CNBD1: variants seen among roughly 807,000 people sequenced by gnomAD.
CNBD1 encodes the protein cyclic nucleotide-binding domain-containing protein 1.
Under a neutral mutation model 54.4 loss-of-function variants are expected in CNBD1, and 71 were observed. That is an observed-to-expected ratio of 1.30 (90% CI 1.08 to 1.59). The LOEUF is 1.59. Ranked by LOEUF, CNBD1 falls within the 40% of genes most tolerant of loss-of-function variation. CNBD1 has a pLI of 0.00. For synonymous variants in CNBD1, 182 were observed against 170.7 expected (o/e 1.07, Z -0.51); for missense variants, 659 against 518.0 (o/e 1.27, Z -2.64).
downstream of CNBD1, among the ~76,000 whole-genome samples, chr8:87,385,765 A>C (rs1159669536): frequency 6.6e-6 from 1 of 152,116 alleles, no homozygotes; most frequent in Non-Finnish European, 1.5e-5. Flanking sequence ...CTTTGAAGAG[A>C]GTAGTGGTTC....
intron 1 of CNBD1, among the ~76,000 whole-genome samples, chr8:86,873,925 T>A (rs191503938): frequency 3.0e-4 from 45 of 152,300 alleles, no homozygotes; most frequent in African/African-American, 1.1e-3. Context: ...AAAAAAACAT[T>A]GTTACATAAT....
chr8:87,027,982 G>A (rs1809691306), intron 4 of CNBD1, among the ~76,000 whole-genome samples: 1 of 152,078 alleles, frequency 6.6e-6, no homozygotes. Context: ...TCTCAATTGA[G>A]AGGAGCCCAT....
intron 4 of CNBD1, among the ~76,000 whole-genome samples, chr8:87,078,414 T>C (rs1322033234): frequency 6.6e-6 from 1 of 152,194 alleles, no homozygotes; most frequent in East Asian, 1.9e-4. Context: ...AGATAAAATA[T>C]CTATTTCAAG....
At chr8:87,377,731 G>A (rs959193020) in intron 10 of CNBD1, among the ~76,000 whole-genome samples, 1 of 140,574 alleles carries the variant, frequency 7.1e-6, no homozygotes, top group African/African-American at 2.8e-5. Flanking sequence ...TCGCCACACT[G>A]ACTTCCACAA....
intron 2 of CNBD1, among the ~76,000 whole-genome samples, chr8:87,402,336 C>T (rs149533077): frequency 1.3e-4 from 20 of 152,108 alleles, no homozygotes; most frequent in Admixed American, 4.6e-4. Context: ...AAGGTTTTCA[C>T]GAGCATTTCA....
intron 4 of CNBD1, among the ~76,000 whole-genome samples, chr8:87,091,866 A>G (rs1161977705): frequency 6.6e-6 from 1 of 152,170 alleles, no homozygotes; most frequent in African/African-American, 2.4e-5. Flanking sequence ...ATTATGAAAT[A>G]TATAGGACAT....
intron 8 of CNBD1, among the ~76,000 whole-genome samples, chr8:87,311,990 G>A (rs1473269930): frequency 6.6e-6 from 1 of 151,894 alleles, no homozygotes; most frequent in Non-Finnish European, 1.5e-5. Flanking sequence ...ACTAACTATT[G>A]GATAGTATGC....
rs34881466 is a variant in CNBD1, at chr8:86,981,155, T to TTG, written c.431+41415_431+41416dup. On this transcript the variant is annotated intron_variant, in intron 4 of 10. Transcript: ENST00000518476. ...TATGGAAAGACTCTGGCATTATTCT[T>TTG]TGTGTGTGTGTGTGTCTGTGTGCGT... Among the ~76,000 whole-genome samples, 580 of 152,172 alleles carry TTG rather than the reference T, an allele frequency of 3.8e-3. 12 individuals carry two copies. The highest frequency in any genetic ancestry group is 0.01 in the African/African-American group (429 of 41,540).
chr8:87,399,245 A>G (rs1201407107), intron 2 of CNBD1, among the ~76,000 whole-genome samples: 2 of 152,006 alleles, frequency 1.3e-5, no homozygotes, highest in African/African-American at 4.8e-5. Context: ...ATAAGTAAGA[A>G]TTTTAAAACA....
downstream of CNBD1, among the ~76,000 whole-genome samples, chr8:87,387,328 A>G (rs928598551): frequency 1.3e-5 from 2 of 152,094 alleles, no homozygotes; most frequent in African/African-American, 2.4e-5. Flanking sequence ...ATAAAGAGCC[A>G]AGACCCATCA....
chr8:87,158,263 A>G (rs1812786050), intron 4 of CNBD1, among the ~76,000 whole-genome samples: 1 of 152,112 alleles, frequency 6.6e-6, no homozygotes, highest in Non-Finnish European at 1.5e-5. Context: ...CTTGTTTGCT[A>G]AGAGGGATTC....
intron 10 of CNBD1, among the ~76,000 whole-genome samples, chr8:87,376,172 A>T (rs756172236): frequency 2.4e-4 from 37 of 151,956 alleles, no homozygotes; most frequent in Non-Finnish European, 7.4e-5. Flanking sequence ...TCAATGCATT[A>T]CCATGGGCTG....
chr8:86,942,894 TGATG>T (rs556257989), intron 4 of CNBD1, among the ~76,000 whole-genome samples: 22 of 152,338 alleles, frequency 1.4e-4, no homozygotes, highest in African/African-American at 5.1e-4. Flanking sequence ...ATCTATTTAT[TGATG>T]GATAAGTTGT....
intron 6 of CNBD1, among the ~76,000 whole-genome samples, chr8:87,270,393 C>A (rs1282948953): frequency 6.6e-6 from 1 of 151,902 alleles, no homozygotes; most frequent in African/African-American, 2.4e-5. Flanking sequence ...TAGAGAAATG[C>A]AGATCAAAAC....
At chr8:86,914,149 G>C in intron 3 of CNBD1, among the ~76,000 whole-genome samples, 1 of 152,108 alleles carries the variant, frequency 6.6e-6, no homozygotes, top group East Asian at 1.9e-4. Flanking sequence ...TTCAGTTAAC[G>C]CAATCATCAC....
chr8:87,041,313 T>A (rs1236293387), intron 4 of CNBD1, among the ~76,000 whole-genome samples: 3 of 152,108 alleles, frequency 2.0e-5, no homozygotes, highest in Admixed American at 1.3e-4. Flanking sequence ...CCCTGAGCAA[T>A]GTGAGCATTT....
At chr8:86,980,211 G>A (rs2130507243) in intron 4 of CNBD1, among the ~76,000 whole-genome samples, 1 of 152,284 alleles carries the variant, frequency 6.6e-6, no homozygotes, top group East Asian at 1.9e-4. Flanking sequence ...TGACTAATAT[G>A]GTGAGTGTTT....
At chr8:87,297,384 A>G (rs1430724510) in intron 8 of CNBD1, among the ~76,000 whole-genome samples, 3 of 152,008 alleles carry the variant, frequency 2.0e-5, no homozygotes, top group African/African-American at 7.2e-5. Context: ...CTCAATAGCT[A>G]CATGTGGCTA....
At chr8:87,258,761 T>C (rs1808071665) in intron 6 of CNBD1, among the ~76,000 whole-genome samples, 1 of 152,186 alleles carries the variant, frequency 6.6e-6, no homozygotes, top group Admixed American at 6.6e-5. Flanking sequence ...TATAAACCTT[T>C]TATAACCCTT....
Sources: allele counts gnomAD v4.1 joint callset (sites outside exome capture counted in the v4.1 genomes callset), GRCh38; gene constraint gnomAD v4.1.1; transcripts MANE v1.5; gene names NCBI Gene and HGNC (gene_info 2026-07-23, HGNC 2026-07-21).